CPNE4: variants seen among roughly 807,000 people sequenced by gnomAD.
CPNE4 encodes the protein copine-4.
Under a neutral mutation model 67.9 loss-of-function variants are expected in CPNE4, and 25 were observed. The observed-to-expected ratio is 0.37, with a 90% confidence interval of 0.27 to 0.51. CPNE4 has a LOEUF of 0.51. CPNE4 is among the 20% of genes least tolerant of loss of function. The pLI, the probability that CPNE4 is intolerant of heterozygous loss-of-function variation, is 0.93. For synonymous variants in CPNE4, 242 were observed against 244.9 expected (o/e 0.99, Z 0.11); for missense variants, 464 against 690.8 (o/e 0.67, Z 3.68).
At chr3:131,972,260 C>T (rs971739167) in intron 1 of CPNE4, among the ~76,000 whole-genome samples, 2 of 152,226 alleles carry the variant, frequency 1.3e-5, no homozygotes, top group African/African-American at 4.8e-5. Context: ...AAAGGTCTCA[C>T]TGGCAGCAAC....
chr3:131,754,813 T>C, intron 2 of CPNE4, among the ~76,000 whole-genome samples: 1 of 152,332 alleles, frequency 6.6e-6, no homozygotes, highest in South Asian at 2.1e-4. Context: ...TAACATCAGA[T>C]GTTTTCAAGA....
intron 10 of CPNE4, among the ~76,000 whole-genome samples, chr3:131,568,186 TA>T (rs1225508313): frequency 6.6e-6 from 1 of 152,056 alleles, no homozygotes; most frequent in African/African-American, 2.4e-5. Context: ...AAGAGTCAGC[TA>T]AAATATTTTC....
At chr3:131,804,231 A>G (rs2084229734) in intron 2 of CPNE4, among the ~76,000 whole-genome samples, 1 of 152,138 alleles carries the variant, frequency 6.6e-6, no homozygotes, top group Admixed American at 6.5e-5. Context: ...ACCAACCTGT[A>G]TATCTCGGTG....
At chr3:131,737,141 T>TTTTTTTTTTTTTTTTTTTTG (rs1491475059) in intron 2 of CPNE4, among the ~76,000 whole-genome samples, 1 of 106,084 alleles carries the variant, frequency 9.4e-6, no homozygotes, top group Admixed American at 1.0e-4. Flanking sequence ...TTTTTTTTTT[T>TTTTTTTTTTTTTTTTTTTTG]GAGAGGGAGT....
chr3:131,698,987 T>A (rs2081228473), intron 4 of CPNE4, among the ~76,000 whole-genome samples: 1 of 152,136 alleles, frequency 6.6e-6, no homozygotes, highest in South Asian at 2.1e-4. Context: ...GAGGTTCGTT[T>A]TCTGGCAATT....
intron 2 of CPNE4, among the ~76,000 whole-genome samples, chr3:131,775,526 T>A (rs958581966): frequency 6.6e-6 from 1 of 152,080 alleles, no homozygotes; most frequent in East Asian, 1.9e-4. Flanking sequence ...TGGGAGGTAA[T>A]TGAATCATGG....
chr3:131,770,299 A>G (rs1560276484), intron 2 of CPNE4, among the ~76,000 whole-genome samples: 1 of 152,246 alleles, frequency 6.6e-6, no homozygotes, highest in Non-Finnish European at 1.5e-5. Context: ...TTCTGAGAAG[A>G]CAACCAACAA....
At chr3:131,760,428 C>T (rs6773919) in intron 2 of CPNE4, among the ~76,000 whole-genome samples, 4,802 of 152,162 alleles carry the variant, frequency 0.032, 274 homozygotes, top group African/African-American at 0.11. Flanking sequence ...TGAATCTGAC[C>T]TCTTCCTTAA....
At chr3:131,604,534 C>A (rs1939391086) in intron 7 of CPNE4, among the ~76,000 whole-genome samples, 1 of 152,044 alleles carries the variant, frequency 6.6e-6, no homozygotes, top group Non-Finnish European at 1.5e-5. Flanking sequence ...TGGGTGGGCA[C>A]CATCTAATCA....
At chr3:131,676,029 CTATTAT>C (rs34007329) in intron 6 of CPNE4, among the ~76,000 whole-genome samples, 36,101 of 138,214 alleles carry the variant, frequency 0.26, 5,025 homozygotes, top group Admixed American at 0.36. Context: ...ATGTTATAAC[CTATTAT>C]TATTATTATT....
At chr3:131,848,053 T>C (rs1181662384) in intron 2 of CPNE4, among the ~76,000 whole-genome samples, 1 of 152,306 alleles carries the variant, frequency 6.6e-6, no homozygotes, top group South Asian at 2.1e-4. Flanking sequence ...CTTGTGCTCA[T>C]AGTCTGGGCC....
At chr3:131,612,788 G>A (rs1939928254) in intron 7 of CPNE4, among the ~76,000 whole-genome samples, 1 of 152,142 alleles carries the variant, frequency 6.6e-6, no homozygotes. Context: ...GATCACAGCT[G>A]AAAAATAAAA....
At chr3:131,622,468 T>C (rs756650786) in intron 7 of CPNE4, among the ~76,000 whole-genome samples, 1 of 152,196 alleles carries the variant, frequency 6.6e-6, no homozygotes, top group Non-Finnish European at 1.5e-5. Context: ...TTAAAAGTCT[T>C]GAAGGCCATC....
At chr3:131,596,929 T>C (rs1938916197) in intron 7 of CPNE4, among the ~76,000 whole-genome samples, 1 of 152,204 alleles carries the variant, frequency 6.6e-6, no homozygotes, top group Admixed American at 6.5e-5. Flanking sequence ...GAACTCTGAC[T>C]GATATAACTT....
In CPNE4 at chr3:131,822,901, G is replaced by A. The variant is rs144004148; in HGVS notation, c.180+82363C>T. On this transcript the variant is annotated intron_variant, in intron 2 of 15. Transcript: ENST00000429747. ...CACCCAGGCTGGAGTGCAGTGGTGC[G>A]ATCTCGGCTCACCTGCAACCTCTGT... Among the ~76,000 whole-genome samples the A allele has an allele frequency of 6.6e-3, 1,011 of 152,110 alleles. 10 individuals carry two copies. The highest frequency in any genetic ancestry group is 0.022 in the African/African-American group (917 of 41,492).
intron 2 of CPNE4, among the ~76,000 whole-genome samples, chr3:131,789,889 C>G (rs2083672496): frequency 6.6e-6 from 1 of 152,178 alleles, no homozygotes. Flanking sequence ...AGCCCTACAT[C>G]TAGCCCAGGA....
intron 9 of CPNE4, among the ~76,000 whole-genome samples, chr3:131,577,956 G>T (rs1203623043): frequency 6.6e-6 from 1 of 151,966 alleles, no homozygotes; most frequent in East Asian, 1.9e-4. Flanking sequence ...TTACAGTGGG[G>T]TTACATGCTA....
At chr3:131,862,446 A>G (rs1025855374) in intron 2 of CPNE4, among the ~76,000 whole-genome samples, 4 of 152,148 alleles carry the variant, frequency 2.6e-5, no homozygotes, top group African/African-American at 7.2e-5. Flanking sequence ...ATATCCTACC[A>G]GGTTCTTCAG....
At chr3:131,835,915 T>C (rs1397942121) in intron 2 of CPNE4, among the ~76,000 whole-genome samples, 1 of 152,150 alleles carries the variant, frequency 6.6e-6, no homozygotes, top group Non-Finnish European at 1.5e-5. Flanking sequence ...TCTCTCTACC[T>C]TCCCCCATTC....
Sources: allele counts gnomAD v4.1 joint callset (sites outside exome capture counted in the v4.1 genomes callset), GRCh38; gene constraint gnomAD v4.1.1; transcripts MANE v1.5; gene names NCBI Gene and HGNC (gene_info 2026-07-23, HGNC 2026-07-21).